CFAP418: variants seen among roughly 807,000 people sequenced by gnomAD.
The protein encoded by CFAP418 is cilia- and flagella-associated protein 418.
Under a neutral mutation model 24.7 loss-of-function variants are expected in CFAP418, and 27 were observed. The observed-to-expected ratio is 1.09, with a 90% confidence interval of 0.81 to 1.51. CFAP418 has a LOEUF of 1.51. Ranked by LOEUF, CFAP418 falls within the 40% of genes most tolerant of loss-of-function variation. CFAP418 has a pLI of 0.00. For missense variants in CFAP418, 257 were observed against 255.2 expected, an observed-to-expected ratio of 1.01 and a Z score of -0.05; for synonymous variants, 74 against 87.3, an observed-to-expected ratio of 0.85 and a Z score of 0.85.
intron 2 of CFAP418, among the ~76,000 whole-genome samples, chr8:95,262,691 G>A (rs1811912279): frequency 6.6e-6 from 1 of 152,154 alleles, no homozygotes; most frequent in Non-Finnish European, 1.5e-5. Flanking sequence ...GGGTAGAAAA[G>A]TTGAAGATGA....
chr8:95,267,809 C>T lies in CFAP418; in HGVS notation c.155+1226G>A, dbSNP rs2132168171. Among the ~76,000 whole-genome samples, 4 of 151,616 alleles carry T rather than the reference C, an allele frequency of 2.6e-5. 1 individual carries two copies. The highest frequency in any genetic ancestry group is 2.6e-4 in the Admixed American group (4 of 15,252). On this transcript the variant is annotated intron_variant, in intron 1 of 5. Coordinates refer to ENST00000286688, the MANE Select transcript of CFAP418 (RefSeq NM_177965.4). ...ACAAGCGTTTCCAAAATATTCTAGGCAAGAGGCAATTTCCAAAAGATTCTA... is the reference window on the plus strand; with the variant it reads ...ACAAGCGTTTCCAAAATATTCTAGGTAAGAGGCAATTTCCAAAAGATTCTA...
rs1228981094 is a variant in CFAP418, at chr8:95,246,020, A to G, written c.*1597T>C. 6.7e-6 allele frequency: 1 copy of G among 150,226 alleles called. No homozygotes were observed. Among genetic ancestry groups the G allele is most frequent in the Non-Finnish European group, 1.5e-5 (1 of 67,674 alleles). 9.3% of individuals were successfully genotyped at this position (150,226 alleles called of 1,614,324 possible). ...TTTTTTTTTTTTGAGACAGAGTCTCACTGTGTTGTCCAGGCTGGAGCGCAG... is the reference window on the plus strand; with the variant it reads ...TTTTTTTTTTTTGAGACAGAGTCTCGCTGTGTTGTCCAGGCTGGAGCGCAG... On this transcript the variant is annotated 3_prime_UTR_variant, in exon 6 of 6. Transcript: ENST00000286688.
intron 1 of CFAP418, among the ~76,000 whole-genome samples, chr8:95,265,186 T>C (rs979780956): frequency 6.6e-6 from 1 of 152,060 alleles, no homozygotes; most frequent in African/African-American, 2.4e-5. Flanking sequence ...ATCTACCCAC[T>C]AGATGCTATT....
intron 5 of CFAP418, among the ~76,000 whole-genome samples, chr8:95,251,477 TG>T (rs1393236139): frequency 1.3e-5 from 2 of 152,130 alleles, no homozygotes; most frequent in Non-Finnish European, 2.9e-5. Flanking sequence ...GATGGATGGA[TG>T]GGAGCTGGAT....
intron 2 of CFAP418, among the ~76,000 whole-genome samples, chr8:95,263,124 TA>T (rs1043506830): frequency 6.6e-6 from 1 of 151,266 alleles, no homozygotes; most frequent in African/African-American, 2.4e-5. Flanking sequence ...TACTTCTTTT[TA>T]AAAAAAAAGG....
chr8:95,251,990 G>A (rs1009089726), intron 5 of CFAP418, among the ~76,000 whole-genome samples, 198 bp downstream of exon 5: 2 of 151,878 alleles, frequency 1.3e-5, no homozygotes, highest in South Asian at 2.1e-4. Context: ...TTTCAACTCC[G>A]TCATAATCTT....
chr8:95,253,912 G>A (rs1339472542), intron 4 of CFAP418, among the ~76,000 whole-genome samples: 2 of 152,016 alleles, frequency 1.3e-5, no homozygotes, highest in Non-Finnish European at 2.9e-5. Context: ...TGCTGTTGTG[G>A]GAACTATAAT....
intron 1 of CFAP418, among the ~76,000 whole-genome samples, chr8:95,265,319 T>C (rs1811960446): frequency 6.6e-6 from 1 of 152,212 alleles, no homozygotes; most frequent in African/African-American, 2.4e-5. Context: ...AATTATTTAA[T>C]CTCTCTGAAA....
intron 4 of CFAP418, among the ~76,000 whole-genome samples, chr8:95,253,271 C>T (rs1471151052): frequency 6.6e-6 from 1 of 151,144 alleles, no homozygotes; most frequent in Non-Finnish European, 1.5e-5. Context: ...GATCGCGCCA[C>T]TGCACTCCAG....
At chr8:95,251,120 T>C (rs927228949) in intron 5 of CFAP418, among the ~76,000 whole-genome samples, 1 of 152,230 alleles carries the variant, frequency 6.6e-6, no homozygotes, top group African/African-American at 2.4e-5. Context: ...GTACAAATTA[T>C]ATAAATATGA....
chr8:95,262,264 T>C (rs988993767), intron 2 of CFAP418, among the ~76,000 whole-genome samples: 1 of 152,228 alleles, frequency 6.6e-6, no homozygotes, highest in Non-Finnish European at 1.5e-5. Context: ...AATATTGCTA[T>C]TGTGTTTACA....
intron 2 of CFAP418, 88 bp downstream of exon 2, chr8:95,263,599 G>T (rs1811927017): frequency 2.3e-5 from 17 of 726,334 alleles, no homozygotes; most frequent in Non-Finnish European, 3.5e-5. Flanking sequence ...AAAGATAATG[G>T]GTAGCTACTT....
At position 95,263,723 on chromosome 8, in the gene CFAP418, T is replaced by A. The variant is rs758882277; in HGVS notation, c.207A>T (p.Glu69Asp). 6.2e-7 allele frequency: 1 copy of A among 1,609,232 alleles called. No individual in the cohort carries two copies. Among genetic ancestry groups the A allele is most frequent in the South Asian group, 1.1e-5 (1 of 90,934 alleles). ...KEDDLDSLIN[E>D]ILEEPNLDKK... ...TGTCCAAGTTGGGCTCTTCAAGTATTTCATTAATAAGACTGTCAAGATCAT... is the reference window on the plus strand; with the variant it reads ...TGTCCAAGTTGGGCTCTTCAAGTATATCATTAATAAGACTGTCAAGATCAT... The change falls in exon 2 of 6, where the codon GAA (glutamate) becomes GAT (aspartate). Residue 69 changes from glutamate (E) to aspartate (D), a missense_variant. Transcript: ENST00000286688.
chr8:95,249,075 C>T lies in CFAP418; in HGVS notation c.471-1305G>A, dbSNP rs536308522. On this transcript the variant is annotated intron_variant, in intron 5 of 5. Coordinates refer to ENST00000286688, the MANE Select transcript of CFAP418 (RefSeq NM_177965.4). Reference sequence around the variant, plus strand: ...AATTTTAACAGAAAGAAAAAAACCCCGCCAAAACTAAGTTGTTGAGGAAAA... The same window carrying T: ...AATTTTAACAGAAAGAAAAAAACCCTGCCAAAACTAAGTTGTTGAGGAAAA... Among the ~76,000 whole-genome samples, 9 of 152,240 alleles carry T rather than the reference C, an allele frequency of 5.9e-5. No homozygotes were observed. In the South Asian group the frequency reaches 6.2e-4, roughly 11 times the overall value.
chr8:95,266,394 T>G (rs1185310589), intron 1 of CFAP418, among the ~76,000 whole-genome samples: 1 of 152,212 alleles, frequency 6.6e-6, no homozygotes, highest in Non-Finnish European at 1.5e-5. Flanking sequence ...ACAAATTGCA[T>G]GTTTTGACCT....
intron 2 of CFAP418, among the ~76,000 whole-genome samples, chr8:95,261,347 A>G (rs1218536326): frequency 1.3e-5 from 2 of 152,202 alleles, no homozygotes; most frequent in Non-Finnish European, 2.9e-5. Flanking sequence ...CATGTTTGAA[A>G]AATAATAATA....
chr8:95,266,657 A>G (rs1811984290), intron 1 of CFAP418, among the ~76,000 whole-genome samples: 1 of 152,182 alleles, frequency 6.6e-6, no homozygotes, highest in South Asian at 2.1e-4. Flanking sequence ...GGTTGGGACT[A>G]TATTTGGTAT....
In CFAP418 at chr8:95,247,641, A is replaced by T. The variant is rs1371325046; in HGVS notation, c.600T>A (p.Leu200=). ...CTTAATGTTTACCACAAACCCAGCG[A>T]AGCTGATGATCTGTCTGAAGGTCAG... is the stretch of plus-strand genomic sequence containing the variant. The part of the protein sequence containing the change: ...EVTDLQTDHQ[L]RWVCGKH The change falls in exon 6 of 6, where the codon CTT becomes CTA. Residue 200 remains leucine (L), a synonymous_variant. Coordinates refer to ENST00000286688, the MANE Select transcript of CFAP418 (RefSeq NM_177965.4). 1 of 1,614,246 alleles carries T rather than the reference A, an allele frequency of 6.2e-7. No individual in the cohort carries two copies. The highest frequency in any genetic ancestry group is 1.1e-5 in the South Asian group (1 of 91,088).
chr8:95,264,395 G>A (rs1419605492), intron 1 of CFAP418, among the ~76,000 whole-genome samples: 1 of 152,114 alleles, frequency 6.6e-6, no homozygotes, highest in Non-Finnish European at 1.5e-5. Context: ...TAACTAAATA[G>A]TAAGTATTTA....
Sources: gnomAD v4.1 joint callset for allele counts (sites outside exome capture counted in the v4.1 genomes callset) on GRCh38, gnomAD v4.1.1 for gene constraint, MANE v1.5 for transcripts, NCBI Gene and HGNC (gene_info 2026-07-23, HGNC 2026-07-21) for gene names.